PREX2: variants seen among roughly 807,000 people sequenced by gnomAD.
PREX2 encodes phosphatidylinositol 3,4,5-trisphosphate-dependent Rac exchanger 2 protein.
PREX2 carries 107 observed loss-of-function variants against 203.2 expected under a neutral mutation model. That is an observed-to-expected ratio of 0.53 (90% CI 0.45 to 0.62). The LOEUF (loss-of-function observed/expected upper bound fraction) is 0.62, where lower values mean the gene tolerates loss of function less well. PREX2 is among the 20% of genes least tolerant of loss of function. The probability of loss-of-function intolerance (pLI) is 0.00; values close to 1 mark genes in which losing one functional copy is unlikely to be tolerated. For synonymous variants in PREX2, 672 were observed against 663.6 expected (o/e 1.01, Z -0.19); for missense variants, 1,777 against 1,955.9 (o/e 0.91, Z 1.72).
intron 10 of PREX2, among the ~76,000 whole-genome samples, chr8:68,058,818 G>A (rs751948798): frequency 5.3e-5 from 8 of 152,194 alleles, no homozygotes; most frequent in Admixed American, 3.9e-4. Context: ...GGTCATGCAC[G>A]TAGTGGAAAC....
chr8:68,144,740 G>C (rs1811292828), intron 33 of PREX2, among the ~76,000 whole-genome samples: 1 of 152,132 alleles, frequency 6.6e-6, no homozygotes, highest in Non-Finnish European at 1.5e-5. Flanking sequence ...GGAGGCCAAG[G>C]CTGGAGGATC....
chr8:68,145,401 C>T (rs1407867620), intron 33 of PREX2, among the ~76,000 whole-genome samples: 1 of 152,104 alleles, frequency 6.6e-6, no homozygotes, highest in African/African-American at 2.4e-5. Flanking sequence ...CTTTTATATA[C>T]AGTTTTATTT....
Position 68,069,015 on chromosome 8 carries a change from G to T in PREX2, c.1340-18G>T. 1 of 1,039,326 alleles carries T rather than the reference G, an allele frequency of 9.6e-7. No homozygotes were observed. Among genetic ancestry groups the T allele is most frequent in the Non-Finnish European group, 1.4e-6 (1 of 710,586 alleles). 64.4% of individuals were successfully genotyped at this position (1,039,326 alleles called of 1,614,324 possible). A position where few individuals can be genotyped will look rare whatever the true frequency, so the allele number is the denominator to read the frequency against. On this transcript the variant is annotated intron_variant, in intron 11 of 39. Transcript: ENST00000288368. ...TTTAGAGTATCGTTATTTTAATATA[G>T]TATTTCTATGTTCTTAGTTACTGAT...
intron 35 of PREX2, 97 bp from the exon 36 acceptor site, chr8:68,191,625 T>C: frequency 1.2e-6 from 1 of 853,936 alleles, no homozygotes; most frequent in South Asian, 1.5e-5. Flanking sequence ...GTTTATTCAC[T>C]TGTTTTTAAA....
intron 6 of PREX2, among the ~76,000 whole-genome samples, chr8:68,032,525 A>G (rs1807914038): frequency 6.6e-6 from 1 of 152,096 alleles, no homozygotes. Flanking sequence ...GGGTTTGGCA[A>G]TTTGTGATAA....
In PREX2 at chr8:68,134,138, C is replaced by G. The variant is rs1455787099; in HGVS notation, c.3846C>G (p.Leu1282=). ...VATVCAFSEQ[L]MAALNQMFDN... Reference sequence around the variant, plus strand: ...CTGTCTGTGCCTTCTCTGAGCAGCTCATGGCGGCCTTGAACCAGATGTTTG... The same window carrying G: ...CTGTCTGTGCCTTCTCTGAGCAGCTGATGGCGGCCTTGAACCAGATGTTTG... The change falls in exon 32 of 40, where the codon CTC becomes CTG. Residue 1282 remains leucine (L), a synonymous_variant. Transcript: ENST00000288368. 3 of 1,614,030 alleles carry G rather than the reference C, an allele frequency of 1.9e-6. No homozygotes were observed. The highest frequency in any genetic ancestry group is 1.3e-5 in the African/African-American group (1 of 74,932).
chr8:68,123,673 A>G (rs1478097037), intron 30 of PREX2, among the ~76,000 whole-genome samples: 1 of 152,006 alleles, frequency 6.6e-6, no homozygotes, highest in East Asian at 1.9e-4. Flanking sequence ...AAATGGATAA[A>G]TTCCTGGACA....
chr8:68,124,390 A>C (rs1245997364), intron 30 of PREX2, among the ~76,000 whole-genome samples: 1 of 152,174 alleles, frequency 6.6e-6, no homozygotes, highest in Admixed American at 6.5e-5. Flanking sequence ...ACACAGGAAG[A>C]GAAAACCAAA....
chr8:68,098,535 A>C (rs1234452311), intron 22 of PREX2, among the ~76,000 whole-genome samples: 1 of 152,114 alleles, frequency 6.6e-6, no homozygotes, highest in Non-Finnish European at 1.5e-5. Context: ...TATAGTATTC[A>C]TGGGATCCAT....
chr8:68,106,296 T>C (rs956415391), intron 23 of PREX2: 1 of 508,296 alleles, frequency 2.0e-6, no homozygotes, highest in Non-Finnish European at 3.9e-6. Flanking sequence ...TGACTGAAAG[T>C]TTTTTGCATC....
At chr8:68,188,686 G>C (rs1812237577) in intron 35 of PREX2, among the ~76,000 whole-genome samples, 1 of 152,146 alleles carries the variant, frequency 6.6e-6, no homozygotes, top group Admixed American at 6.5e-5. Flanking sequence ...TTGTGCAGGG[G>C]AACTCTCATA....
chr8:67,989,988 G>A (rs536572035), intron 1 of PREX2, among the ~76,000 whole-genome samples: 2 of 152,212 alleles, frequency 1.3e-5, no homozygotes, highest in South Asian at 4.1e-4. Flanking sequence ...AACCTCTGGA[G>A]TGAATCTTTT....
chr8:68,030,243 G>A (rs1006884322), intron 5 of PREX2, among the ~76,000 whole-genome samples: 8 of 152,068 alleles, frequency 5.3e-5, no homozygotes, highest in East Asian at 1.9e-4. Flanking sequence ...TTGACCATTC[G>A]AAAGGAGGAA....
Position 68,080,458 on chromosome 8 carries a change from A to G in PREX2, c.1658A>G (p.Glu553Gly), listed in dbSNP as rs1249553687. ...GFMHHVLEKS[E>G]FKDEPLLFRF... Reference sequence around the variant, plus strand: ...TTTTCTGTAGTCCTTGAAAAAAGCGAATTCAAAGATGAACCCCTACTTTTC... The same window carrying G: ...TTTTCTGTAGTCCTTGAAAAAAGCGGATTCAAAGATGAACCCCTACTTTTC... The change falls in exon 16 of 40, where the codon GAA (glutamate) becomes GGA (glycine). Residue 553 changes from glutamate (E) to glycine (G), a missense_variant. Physicochemically the swap from Glu to Gly is moderately conservative, Grantham distance 98. Coordinates refer to ENST00000288368, the MANE Select transcript of PREX2 (RefSeq NM_024870.4). 1.2e-6 allele frequency: 2 copies of G among 1,611,528 alleles called. No homozygotes were observed. Among genetic ancestry groups the G allele is most frequent in the Non-Finnish European group, 1.7e-6 (2 of 1,179,458 alleles).
intron 10 of PREX2, among the ~76,000 whole-genome samples, chr8:68,056,999 C>G (rs1475104397): frequency 6.6e-6 from 1 of 152,100 alleles, no homozygotes; most frequent in Non-Finnish European, 1.5e-5. Flanking sequence ...GCTACCTCTG[C>G]CTCCCTCATA....
intron 23 of PREX2, among the ~76,000 whole-genome samples, chr8:68,100,868 A>G (rs1376102574): frequency 6.6e-6 from 1 of 152,180 alleles, no homozygotes; most frequent in Non-Finnish European, 1.5e-5. Flanking sequence ...GGAGAAATAG[A>G]GACTGGTAGG....
chr8:68,173,243 C>T (rs1214596320), intron 35 of PREX2, among the ~76,000 whole-genome samples: 1 of 152,150 alleles, frequency 6.6e-6, no homozygotes, highest in Non-Finnish European at 1.5e-5. Context: ...ATCCAGCCTA[C>T]TTTGTTTTAT....
intron 34 of PREX2, among the ~76,000 whole-genome samples, chr8:68,155,260 C>G (rs1197339442): frequency 6.6e-6 from 1 of 152,036 alleles, no homozygotes; most frequent in African/African-American, 2.4e-5. Context: ...TTCCCAGAAG[C>G]CATAAGAAAT....
chr8:68,163,672 G>A (rs1029248455), intron 35 of PREX2, among the ~76,000 whole-genome samples: 6 of 152,144 alleles, frequency 3.9e-5, no homozygotes, highest in African/African-American at 1.4e-4. Context: ...TTTAAATCAA[G>A]CATTCTAATT....
Sources: gnomAD v4.1 joint callset for allele counts (sites outside exome capture counted in the v4.1 genomes callset) on GRCh38, gnomAD v4.1.1 for gene constraint, MANE v1.5 for transcripts, NCBI Gene and HGNC (gene_info 2026-07-23, HGNC 2026-07-21) for gene names.